The following UIMC1 variants were observed in gnomAD, a reference collection of about 807,000 sequenced individuals.
UIMC1 encodes the protein ubiquitin interaction motif containing 1, also known as BRCA1-A complex subunit RAP80.
In UIMC1, 42 loss-of-function variants were observed where a neutral mutation model predicts 84.9. That is an observed-to-expected ratio of 0.49 (90% confidence interval 0.39 to 0.64). The LOEUF (loss-of-function observed/expected upper bound fraction) is 0.64. UIMC1 is among the 30% of genes least tolerant of loss of function. The pLI, the probability that UIMC1 is intolerant of heterozygous loss-of-function variation, is 0.00. For missense variants in UIMC1, 825 were observed against 847.6 expected, an observed-to-expected ratio of 0.97 and a Z score of 0.33; for synonymous variants, 281 against 293.0, an observed-to-expected ratio of 0.96 and a Z score of 0.42.
chr5:176,915,793 C>CAAAAAAAAA (rs58297107), intron 10 of UIMC1, among the ~76,000 whole-genome samples: 97 of 42,534 alleles, frequency 2.3e-3, no homozygotes, highest in Non-Finnish European at 2.6e-3. Flanking sequence ...GGTCACAAAG[C>CAAAAAAAAA]AAAAAAAAAA....
intron 10 of UIMC1, 123 bp downstream of exon 10, chr5:176,943,212 C>A (rs1254868621): frequency 4.7e-6 from 6 of 1,284,398 alleles, no homozygotes; most frequent in South Asian, 3.7e-5. Flanking sequence ...TAGAAAAAAC[C>A]CAAGACCAAC....
intron 1 of UIMC1, among the ~76,000 whole-genome samples, chr5:177,020,788 C>T (rs572993669): frequency 1.3e-5 from 2 of 152,328 alleles, no homozygotes; most frequent in South Asian, 4.1e-4. Flanking sequence ...TTTACTACAG[C>T]TTCCCTGTCT....
rs1354863392 is a variant in UIMC1 at position 176,941,711 on chromosome 5, CTG to C, written c.1597+1622_1597+1623del. 3.3e-5 allele frequency among the ~76,000 whole-genome samples: 5 copies of C among 152,266 alleles called. No homozygotes were observed. The East Asian group carries it at 9.6e-4, about 29-fold the overall frequency. On this transcript the variant is annotated intron_variant, in intron 10 of 14. Transcript: ENST00000511320. The stretch of plus-strand genomic sequence containing the variant: ...ATTCAGCATGTTAGACCACAGAGAG[CTG>C]TGCTGACATGACTATATTTAGAGTT...
chr5:176,923,015 A>G (rs1302271913), intron 10 of UIMC1, among the ~76,000 whole-genome samples: 4 of 152,182 alleles, frequency 2.6e-5, no homozygotes, highest in African/African-American at 4.8e-5. Context: ...TTTGAATCCT[A>G]TGCCAGAGCA....
chr5:176,911,175 G>GAAAAT (rs1760155842), intron 11 of UIMC1, 136 bp downstream of exon 11: 3 of 167,560 alleles, frequency 1.8e-5, no homozygotes, highest in South Asian at 9.1e-5. Flanking sequence ...GAAAAGAAAA[G>GAAAAT]AAAATTCAGG....
At chr5:176,979,877 T>G (rs1222978229) in intron 2 of UIMC1, among the ~76,000 whole-genome samples, 1 of 152,194 alleles carries the variant, frequency 6.6e-6, no homozygotes, top group Non-Finnish European at 1.5e-5. Flanking sequence ...TTTTCTGGTG[T>G]GTCTGTCCGG....
chr5:176,978,598 G>A (rs772071149), intron 2 of UIMC1, among the ~76,000 whole-genome samples: 1 of 151,850 alleles, frequency 6.6e-6, no homozygotes, highest in Non-Finnish European at 1.5e-5. Context: ...AATGGCACTA[G>A]GAGTACAGAT....
upstream of UIMC1, among the ~76,000 whole-genome samples, chr5:177,010,665 G>A (rs908219429): frequency 3.3e-5 from 5 of 152,080 alleles, no homozygotes; most frequent in African/African-American, 9.7e-5. Context: ...GGGATTACAG[G>A]CGTGTGCCAC....
chr5:176,968,818 G>GC lies in UIMC1; in HGVS notation c.936dup (p.Gln313AlafsTer4), dbSNP rs764921140. On this transcript the variant is annotated frameshift_variant, in exon 6 of 15. Transcript: ENST00000511320. LOFTEE classifies it high-confidence loss of function. Reference sequence around the variant, plus strand: ...CCAAAACCTTTTTTATTAAGGAGCTGCCTCTGAGCCATTTTCAGGCTCTTT... The same window carrying GC: ...CCAAAACCTTTTTTATTAAGGAGCTGCCCTCTGAGCCATTTTCAGGCTCTTT... The GC allele has an allele frequency of 6.8e-6, 11 of 1,614,070 alleles. No homozygotes were observed. In the African/African-American group the frequency reaches 1.3e-4, roughly 20 times the overall value.
intron 10 of UIMC1, among the ~76,000 whole-genome samples, chr5:176,922,681 C>A (rs1761852535): frequency 6.6e-6 from 1 of 152,166 alleles, no homozygotes; most frequent in South Asian, 2.1e-4. Flanking sequence ...TATACAATTT[C>A]ATCTAAATTC....
At chr5:176,982,689 T>TG in intron 1 of UIMC1, 66 bp from the exon 2 acceptor site, 1 of 1,500,004 alleles carries the variant, frequency 6.7e-7, no homozygotes, top group East Asian at 2.4e-5. Flanking sequence ...AGTATAAGTT[T>TG]TCTAGAAGCT....
intron 11 of UIMC1, 49 bp from the exon 12 acceptor site, chr5:176,908,743 T>C: frequency 6.3e-7 from 1 of 1,579,468 alleles, no homozygotes; most frequent in Non-Finnish European, 8.6e-7. Flanking sequence ...GATGTGCTTT[T>C]GCCTCTGGGC....
chr5:176,998,840 G>T (rs1052621595), intron 1 of UIMC1, among the ~76,000 whole-genome samples: 2 of 152,006 alleles, frequency 1.3e-5, no homozygotes, highest in African/African-American at 4.8e-5. Flanking sequence ...GAATGTATAC[G>T]TATTTTTCTC....
chr5:176,953,530 A>ACACACACACACACACACC (rs1486168664), intron 8 of UIMC1, among the ~76,000 whole-genome samples: 25 of 151,198 alleles, frequency 1.7e-4, no homozygotes, highest in African/African-American at 5.8e-4. Flanking sequence ...ACACACACAC[A>ACACACACACACACACACC]CCTTATTGGA....
At chr5:176,969,437 T>A in intron 5 of UIMC1, 146 bp from the exon 6 acceptor site, 1 of 1,353,630 alleles carries the variant, frequency 7.4e-7, no homozygotes, top group Non-Finnish European at 1.0e-6. Flanking sequence ...TCCTTGGAGA[T>A]AAAAGTATGC....
At chr5:176,957,353 C>T (rs1013785885) in intron 7 of UIMC1, among the ~76,000 whole-genome samples, 5 of 152,076 alleles carry the variant, frequency 3.3e-5, no homozygotes, top group African/African-American at 1.2e-4. Flanking sequence ...AGTCTCAAAA[C>T]TCAACTACTA....
At chr5:176,951,606 T>TA in intron 8 of UIMC1, 29 bp from the exon 9 acceptor site, 1 of 1,494,554 alleles carries the variant, frequency 6.7e-7, no homozygotes, top group Non-Finnish European at 9.0e-7. Flanking sequence ...AAAATCCCAT[T>TA]AATTTTCATT....
At chr5:176,982,329 A>G in intron 2 of UIMC1, 140 bp downstream of exon 2, 1 of 956,840 alleles carries the variant, frequency 1.0e-6, no homozygotes, top group Non-Finnish European at 1.5e-6. Context: ...CCATTTACAA[A>G]TTAAAACAAA....
rs182719241 is a variant in UIMC1, at chr5:176,917,931, T to C, written c.1598-6542A>G. On this transcript the variant is annotated intron_variant, in intron 10 of 14. Transcript: ENST00000511320. ...CCGAGATCATGTCATTGCACTCCAG[T>C]CTGGGCAACAACAGCAAAACTCTGT... is the stretch of plus-strand genomic sequence containing the variant. Among the ~76,000 whole-genome samples, 113 of 152,254 alleles carry C rather than the reference T, an allele frequency of 7.4e-4. No homozygotes were observed. The Middle Eastern group carries it at 0.017, about 23-fold the overall frequency.
Sources: gnomAD v4.1 joint callset for allele counts (sites outside exome capture counted in the v4.1 genomes callset) on GRCh38, gnomAD v4.1.1 for gene constraint, MANE v1.5 for transcripts, NCBI Gene and HGNC (gene_info 2026-07-23, HGNC 2026-07-21) for gene names.